The following TMEM232 variants were observed in gnomAD, a reference collection of about 807,000 sequenced individuals.
TMEM232 encodes transmembrane protein 232.
Under a neutral mutation model 78.8 loss-of-function variants are expected in TMEM232, and 80 were observed. That is an observed-to-expected ratio of 1.01 (90% CI 0.85 to 1.22). The LOEUF (loss-of-function observed/expected upper bound fraction) is 1.22. Ranked by LOEUF, TMEM232 falls within the 50% of genes most tolerant of loss-of-function variation. The pLI is 0.00. For missense variants in TMEM232, 881 were observed against 742.2 expected (o/e 1.19, Z -2.17); for synonymous variants, 297 against 254.3 (o/e 1.17, Z -1.60).
At chr5:110,474,162 T>C (rs1359570112) in intron 12 of TMEM232, among the ~76,000 whole-genome samples, 1 of 151,870 alleles carries the variant, frequency 6.6e-6, no homozygotes, top group East Asian at 1.9e-4. Flanking sequence ...TCATCACAAA[T>C]AAATGTTTGA....
chr5:110,528,071 G>T (rs1285590214), intron 12 of TMEM232, among the ~76,000 whole-genome samples: 2 of 151,678 alleles, frequency 1.3e-5, no homozygotes, highest in Admixed American at 1.3e-4. Context: ...TTGAAGAAAT[G>T]GTAAATAAAT....
chr5:110,695,229 A>G (rs2150243941), intron 1 of TMEM232, among the ~76,000 whole-genome samples: 2 of 152,352 alleles, frequency 1.3e-5, no homozygotes, highest in East Asian at 3.9e-4. Flanking sequence ...ATGAAGGCAG[A>G]AATAAAGATG....
Position 110,642,296 on chromosome 5 carries a change from CA to C in TMEM232, c.200del (p.Leu67CysfsTer4). The C allele has an allele frequency of 6.5e-7, 1 of 1,538,784 alleles. No homozygotes were observed. Among genetic ancestry groups the C allele is most frequent in the Non-Finnish European group, 8.8e-7 (1 of 1,142,426 alleles). On this transcript the variant is annotated frameshift_variant, in exon 3 of 14. Coordinates refer to ENST00000455884, the MANE Select transcript of TMEM232 (RefSeq NM_001039763.4). LOFTEE classifies it high-confidence loss of function. ...GAATGATTTTTCTAGCTAGTTCCAA[CA>C]ATTCTTCCTTCTCTTTGGAATTTTG... ...QTQNSKEKEE[L>X]LELARKIILR...
chr5:110,699,261 C>T (rs1795170594), intron 1 of TMEM232, among the ~76,000 whole-genome samples: 1 of 151,976 alleles, frequency 6.6e-6, no homozygotes, highest in East Asian at 1.9e-4. Flanking sequence ...CTTAGCAATA[C>T]ACCTTTGACC....
At chr5:110,537,191 C>T (rs1173963748) in intron 11 of TMEM232, among the ~76,000 whole-genome samples, 1 of 152,050 alleles carries the variant, frequency 6.6e-6, no homozygotes, top group African/African-American at 2.4e-5. Context: ...CTATGGACAA[C>T]CCTCCATCTA....
chr5:110,730,939 A>G (rs1306648539), upstream of TMEM232, among the ~76,000 whole-genome samples: 1 of 152,168 alleles, frequency 6.6e-6, no homozygotes, highest in Non-Finnish European at 1.5e-5. Context: ...CGAAATGTCC[A>G]CAGTCCAAAG....
chr5:110,589,005 G>A (rs1276233442), intron 10 of TMEM232, among the ~76,000 whole-genome samples: 1 of 151,876 alleles, frequency 6.6e-6, no homozygotes, highest in African/African-American at 2.4e-5. Context: ...GATAATGCAG[G>A]CTTTTAAAAA....
At chr5:110,532,931 T>C (rs1296591987) in intron 11 of TMEM232, among the ~76,000 whole-genome samples, 2 of 152,126 alleles carry the variant, frequency 1.3e-5, no homozygotes, top group East Asian at 1.9e-4. Context: ...AATTCCCCCA[T>C]TTTACCTGTC....
chr5:110,509,450 T>C (rs904602629), intron 12 of TMEM232, among the ~76,000 whole-genome samples: 11 of 152,010 alleles, frequency 7.2e-5, no homozygotes, highest in South Asian at 4.1e-4. Flanking sequence ...CAAAGTCTGA[T>C]AGACTAGTAA....
At chr5:110,507,303 G>A (rs1229394042) in intron 12 of TMEM232, among the ~76,000 whole-genome samples, 2 of 152,162 alleles carry the variant, frequency 1.3e-5, no homozygotes, top group African/African-American at 2.4e-5. Context: ...ACGTGTGGTT[G>A]ATTCTTTGGC....
At chr5:110,674,047 C>T (rs374074259) in intron 1 of TMEM232, among the ~76,000 whole-genome samples, 69 of 145,902 alleles carry the variant, frequency 4.7e-4, no homozygotes, top group Middle Eastern at 3.9e-3. Context: ...AACTCCAACA[C>T]AAACTACAAA....
At chr5:110,573,816 A>C (rs1237013334) in intron 10 of TMEM232, among the ~76,000 whole-genome samples, 2 of 152,086 alleles carry the variant, frequency 1.3e-5, no homozygotes, top group Admixed American at 6.6e-5. Context: ...GAGGATGAAA[A>C]ATGCAAAGGC....
intron 2 of TMEM232, among the ~76,000 whole-genome samples, chr5:110,649,470 T>C (rs1787988035): frequency 6.6e-6 from 1 of 152,130 alleles, no homozygotes; most frequent in Admixed American, 6.6e-5. Flanking sequence ...GTTTATACTT[T>C]TAATTACAAG....
chr5:110,524,355 GAAAGAAAA>G (rs1288684162), intron 12 of TMEM232, among the ~76,000 whole-genome samples: 40 of 95,472 alleles, frequency 4.2e-4, no homozygotes, highest in East Asian at 3.6e-3. Context: ...GAGAAAGAAA[GAAAGAAAA>G]AAAGAAAGAA....
chr5:110,435,014 G>A (rs1301785649), intron 12 of TMEM232, among the ~76,000 whole-genome samples: 2 of 151,838 alleles, frequency 1.3e-5, no homozygotes, highest in South Asian at 2.1e-4. Flanking sequence ...TCACTAAGAA[G>A]TGGAACAAGA....
chr5:110,613,384 C>T (rs1411663186), intron 8 of TMEM232, among the ~76,000 whole-genome samples: 1 of 152,114 alleles, frequency 6.6e-6, no homozygotes, highest in Non-Finnish European at 1.5e-5. Flanking sequence ...AAGCACAAGC[C>T]ATTTTTGCCA....
At chr5:110,533,463 T>C (rs947925789) in intron 11 of TMEM232, among the ~76,000 whole-genome samples, 3 of 152,230 alleles carry the variant, frequency 2.0e-5, no homozygotes, top group Non-Finnish European at 4.4e-5. Flanking sequence ...TGTTTTAGCC[T>C]AGCCCTCATG....
intron 12 of TMEM232, among the ~76,000 whole-genome samples, chr5:110,430,356 CT>C (rs534310383): frequency 1.1e-3 from 161 of 143,546 alleles, no homozygotes; most frequent in Middle Eastern, 3.6e-3. Context: ...TAGACGTTTC[CT>C]TTTTTTTTTT....
At chr5:110,530,329 G>C (rs973233493) in intron 11 of TMEM232, among the ~76,000 whole-genome samples, 1 of 152,154 alleles carries the variant, frequency 6.6e-6, no homozygotes, top group African/African-American at 2.4e-5. Flanking sequence ...AAAGGATAAG[G>C]TGAAAATCAT....
Sources: allele counts gnomAD v4.1 joint callset (sites outside exome capture counted in the v4.1 genomes callset), GRCh38; gene constraint gnomAD v4.1.1; transcripts MANE v1.5; gene names NCBI Gene and HGNC (gene_info 2026-07-23, HGNC 2026-07-21).